DISC1: variants seen among roughly 807,000 people sequenced by gnomAD.
DISC1 encodes the protein DISC1 scaffold protein.
Under a neutral mutation model 84.5 loss-of-function variants are expected in DISC1, and 57 were observed. That is an observed-to-expected ratio of 0.67 (90% CI 0.55 to 0.84). DISC1 has a LOEUF of 0.84. Among genes scored for constraint, DISC1 ranks in the 40% least tolerant of loss-of-function variants. The pLI is 0.00. For missense variants in DISC1, 1,000 were observed against 1,057.8 expected, an observed-to-expected ratio of 0.95 and a Z score of 0.76; for synonymous variants, 411 against 415.2, an observed-to-expected ratio of 0.99 and a Z score of 0.12.
chr1:231,648,317 A>G (rs924617432), intron 1 of DISC1, among the ~76,000 whole-genome samples: 1 of 152,044 alleles, frequency 6.6e-6, no homozygotes, highest in Non-Finnish European at 1.5e-5. Context: ...TGAGATAATC[A>G]TGTGTTTTTT....
At chr1:231,739,042 G>A (rs181640035) in intron 3 of DISC1, among the ~76,000 whole-genome samples, 1 of 152,208 alleles carries the variant, frequency 6.6e-6, no homozygotes, top group Non-Finnish European at 1.5e-5. Context: ...ATGGAGTTTA[G>A]AAATCAGGAT....
intron 8 of DISC1, among the ~76,000 whole-genome samples, chr1:231,816,615 T>G (rs1055378221): frequency 2.6e-5 from 4 of 152,222 alleles, no homozygotes; most frequent in African/African-American, 9.6e-5. Context: ...TCAAGGTTAA[T>G]ATTTTTTCCA....
chr1:231,958,262 A>G (rs748438064), intron 9 of DISC1, among the ~76,000 whole-genome samples: 6 of 152,166 alleles, frequency 3.9e-5, no homozygotes, highest in Non-Finnish European at 8.8e-5. Context: ...TTCCTTCAAC[A>G]TTTGGTAATT....
chr1:231,745,617 A>G lies in DISC1; in HGVS notation c.1118-4309A>G, dbSNP rs143862436. ...CTATTGTGAACTATAGTCATTCTCT[A>G]TTGCTGTAGAACACTAGAACTTATT... is the stretch of plus-strand genomic sequence containing the variant. On this transcript the variant is annotated intron_variant, in intron 3 of 12. Coordinates refer to ENST00000439617, the MANE Select transcript of DISC1 (RefSeq NM_018662.3). The G allele has an allele frequency of 3.7e-3, 579 of 155,046 alleles. 5 individuals are homozygous for G. The highest frequency in any genetic ancestry group is 0.013 in the African/African-American group (550 of 41,586). The allele number at this position is 155,046 out of a possible 1,614,324, so 9.6% of individuals were successfully genotyped here. A position where few individuals can be genotyped will look rare whatever the true frequency, so the allele number is the denominator to read the frequency against.
intron 9 of DISC1, among the ~76,000 whole-genome samples, chr1:231,871,945 T>G (rs1279106783): frequency 2.0e-5 from 3 of 152,192 alleles, no homozygotes; most frequent in Non-Finnish European, 2.9e-5. Context: ...TAGATTCACC[T>G]TCAGAGACTG....
chr1:231,891,300 C>G (rs962013152), intron 9 of DISC1, among the ~76,000 whole-genome samples: 1 of 152,174 alleles, frequency 6.6e-6, no homozygotes, highest in Non-Finnish European at 1.5e-5. Context: ...CCATCCTGGG[C>G]TGCATACAGC....
chr1:231,856,499 G>A (rs181576741), intron 9 of DISC1, among the ~76,000 whole-genome samples: 116 of 152,302 alleles, frequency 7.6e-4, no homozygotes, highest in Non-Finnish European at 1.3e-3. Context: ...AGTGACTGCA[G>A]CCCCGTTAGT....
intron 9 of DISC1, among the ~76,000 whole-genome samples, chr1:231,924,059 G>T (rs821717): frequency 0.83 from 126,469 of 152,220 alleles, 52,713 homozygotes; most frequent in East Asian, 0.92. Flanking sequence ...TTTCAACATC[G>T]CTATATTTTC....
chr1:231,705,622 A>G (rs1044639525), intron 3 of DISC1, among the ~76,000 whole-genome samples: 5 of 152,140 alleles, frequency 3.3e-5, no homozygotes, highest in Non-Finnish European at 5.9e-5. Context: ...TTGGTAAATT[A>G]TTTTAAATTG....
intron 9 of DISC1, among the ~76,000 whole-genome samples, chr1:231,951,596 G>T (rs73099041): frequency 3.3e-5 from 5 of 152,096 alleles, no homozygotes; most frequent in Non-Finnish European, 5.9e-5. Flanking sequence ...CCTCCATGAC[G>T]CTCTGAGAAT....
At chr1:231,699,720 C>T (rs1383325196) in intron 2 of DISC1, among the ~76,000 whole-genome samples, 2 of 152,214 alleles carry the variant, frequency 1.3e-5, no homozygotes, top group East Asian at 3.9e-4. Flanking sequence ...AAACATAAGT[C>T]AGATCATGTG....
intron 3 of DISC1, among the ~76,000 whole-genome samples, chr1:231,745,690 T>TCCTTCACTTCCCCCTAC (rs2073902540): frequency 6.6e-6 from 1 of 152,146 alleles, no homozygotes; most frequent in Non-Finnish European, 1.5e-5. Context: ...TCTCTCCCTA[T>TCCTTCACTTCCCCCTAC]CCTTCACTTC....
rs188431307 is a variant in DISC1, at chr1:231,818,320, G to C, written c.1793-9G>C. 1.2e-6 allele frequency: 2 copies of C among 1,613,270 alleles called. No individual in the cohort carries two copies. The highest frequency in any genetic ancestry group is 1.3e-5 in the African/African-American group (1 of 75,020). ...GTTTTCCCTTCTTCTCTCCCACAAC[G>C]TGCTGTAGGAAACCATTTCTGGACG... On this transcript the variant is annotated splice_polypyrimidine_tract_variant and intron_variant, in intron 8 of 12. Transcript: ENST00000439617.
intron 10 of DISC1, among the ~76,000 whole-genome samples, chr1:231,976,623 C>T (rs1662848823): frequency 6.6e-6 from 1 of 152,178 alleles, no homozygotes. Context: ...ACTTACTTTC[C>T]TGGGATAGAG....
chr1:232,028,174 C>T (rs199594751), intron 12 of DISC1, among the ~76,000 whole-genome samples: 5 of 152,104 alleles, frequency 3.3e-5, no homozygotes, highest in African/African-American at 4.8e-5. Flanking sequence ...TCTTTGAGCA[C>T]GTGTAAGGGG....
chr1:231,768,722 G>T (rs1005382071), intron 5 of DISC1, among the ~76,000 whole-genome samples: 1 of 152,232 alleles, frequency 6.6e-6, no homozygotes, highest in Admixed American at 6.5e-5. Flanking sequence ...CACTAGGGGT[G>T]AGAATGGGGA....
chr1:231,834,202 G>T (rs937791011), intron 9 of DISC1, among the ~76,000 whole-genome samples: 3 of 152,192 alleles, frequency 2.0e-5, no homozygotes, highest in Non-Finnish European at 4.4e-5. Flanking sequence ...GCCAGACCGG[G>T]TGTAAGGAGG....
chr1:231,927,908 G>C (rs1377115381), intron 9 of DISC1, among the ~76,000 whole-genome samples: 1 of 152,186 alleles, frequency 6.6e-6, no homozygotes, highest in Non-Finnish European at 1.5e-5. Context: ...TAGTTCCAGA[G>C]GGCTGCCCCG....
chr1:231,816,103 T>G (rs770894744), intron 8 of DISC1, among the ~76,000 whole-genome samples: 1 of 152,228 alleles, frequency 6.6e-6, no homozygotes, highest in Non-Finnish European at 1.5e-5. Flanking sequence ...TCCATACCCT[T>G]GTGAATGTTG....
Sources: gnomAD v4.1 joint callset for allele counts (sites outside exome capture counted in the v4.1 genomes callset) on GRCh38, gnomAD v4.1.1 for gene constraint, MANE v1.5 for transcripts, NCBI Gene and HGNC (gene_info 2026-07-23, HGNC 2026-07-21) for gene names.